The following DOCK5 variants were observed in gnomAD, a reference collection of about 807,000 sequenced individuals.
The protein encoded by DOCK5 is dedicator of cytokinesis 5.
In DOCK5, 142 loss-of-function variants were observed where a neutral mutation model predicts 251.8. That is an observed-to-expected ratio of 0.56 (90% CI 0.49 to 0.65). The LOEUF (loss-of-function observed/expected upper bound fraction) is 0.65. DOCK5 is among the 30% of genes least tolerant of loss of function. DOCK5 has a pLI of 0.00. For synonymous variants in DOCK5, 842 were observed against 835.5 expected (o/e 1.01, Z -0.13); for missense variants, 2,111 against 2,312.3 (o/e 0.91, Z 1.79).
intron 5 of DOCK5, among the ~76,000 whole-genome samples, chr8:25,279,939 G>GT (rs1804145552): frequency 6.6e-6 from 1 of 151,830 alleles, no homozygotes; most frequent in African/African-American, 2.4e-5. Flanking sequence ...TTGTGTGTGT[G>GT]TTTTTAGTAG....
intron 34 of DOCK5, 98 bp downstream of exon 34, chr8:25,369,739 C>T (rs2659578): frequency 0.99 from 1,044,304 of 1,050,694 alleles, 519,213 homozygotes; most frequent in East Asian, 1. Context: ...TGAGTAGTCT[C>T]AGAGTCACTA....
chr8:25,344,635 A>C (rs1184557727), intron 25 of DOCK5, among the ~76,000 whole-genome samples: 1 of 152,236 alleles, frequency 6.6e-6, no homozygotes, highest in Admixed American at 6.5e-5. Context: ...ATGAATTTGC[A>C]CTTTGAAATT....
chr8:25,225,987 A>C (rs1802520617), intron 1 of DOCK5, among the ~76,000 whole-genome samples: 1 of 152,168 alleles, frequency 6.6e-6, no homozygotes, highest in South Asian at 2.1e-4. Flanking sequence ...GTGTGAATAT[A>C]CTTAACACTA....
Position 25,403,589 on chromosome 8 carries a change from G to C in DOCK5, c.4958G>C (p.Arg1653Pro), listed in dbSNP as rs375194434. 26 of 1,613,698 alleles carry C rather than the reference G, an allele frequency of 1.6e-5. No individual in the cohort carries two copies. The highest frequency in any genetic ancestry group is 1.9e-5 in the Non-Finnish European group (22 of 1,179,828). ...PPNLTERKQS[R>P]TGSIVLPYIM... The stretch of plus-strand genomic sequence containing the variant: ...AACTTGACGGAGAGGAAGCAAAGCC[G>C]CACGGGGTCTATTGTGCTCCCCTAC... Residue 1653 changes from arginine to proline, a missense_variant, in exon 48 of 52, where the codon CGC becomes CCC. Around this residue, in one of 3 missense-constraint regions of DOCK5, gnomAD observed 1,717 missense variants for 1,892.4 expected, o/e 0.91. Transcript: ENST00000276440.
intron 1 of DOCK5, among the ~76,000 whole-genome samples, chr8:25,195,504 G>A (rs1185565811): frequency 1.3e-5 from 2 of 152,074 alleles, no homozygotes; most frequent in African/African-American, 4.8e-5. Context: ...GGCCCTGTGG[G>A]ATCAGACCTG....
chr8:25,234,729 A>G (rs543775662), intron 1 of DOCK5, among the ~76,000 whole-genome samples: 16 of 152,356 alleles, frequency 1.1e-4, no homozygotes, highest in South Asian at 6.2e-4. Flanking sequence ...GCAGCAAGAA[A>G]TGGTGAATGT....
intron 1 of DOCK5, among the ~76,000 whole-genome samples, chr8:25,205,938 A>G (rs888577663): frequency 2.6e-5 from 4 of 152,248 alleles, no homozygotes; most frequent in African/African-American, 4.8e-5. Flanking sequence ...TGGGAAGTTT[A>G]TAATGAATTA....
chr8:25,363,018 TC>T, intron 28 of DOCK5, 28 bp from the exon 29 acceptor site: 9 of 1,578,066 alleles, frequency 5.7e-6, no homozygotes, highest in Non-Finnish European at 7.8e-6. Flanking sequence ...AACCCAGTTT[TC>T]CCCCAACCAC....
At chr8:25,249,290 C>T (rs914135727) in intron 2 of DOCK5, among the ~76,000 whole-genome samples, 11 of 152,146 alleles carry the variant, frequency 7.2e-5, no homozygotes, top group Non-Finnish European at 1.0e-4. Flanking sequence ...TGTGAGCCAT[C>T]GTGCCTGGCC....
chr8:25,302,225 G>T, intron 9 of DOCK5, 100 bp from the exon 10 acceptor site: 16 of 1,387,726 alleles, frequency 1.2e-5, no homozygotes, highest in East Asian at 5.2e-5. Flanking sequence ...TGAGAAATAA[G>T]GTCGGAACAG....
At chr8:25,387,000 G>A (rs1188562371) in intron 40 of DOCK5, among the ~76,000 whole-genome samples, 1 of 152,120 alleles carries the variant, frequency 6.6e-6, no homozygotes, top group Non-Finnish European at 1.5e-5. Flanking sequence ...TACCTCAAAG[G>A]CATACTGTAG....
At chr8:25,188,823 T>G (rs1170584228) in intron 1 of DOCK5, among the ~76,000 whole-genome samples, 1 of 152,178 alleles carries the variant, frequency 6.6e-6, no homozygotes, top group African/African-American at 2.4e-5. Context: ...TCTTTTTTCT[T>G]TCTTTGTTTC....
intron 2 of DOCK5, among the ~76,000 whole-genome samples, chr8:25,246,528 C>T (rs1432248362): frequency 6.6e-6 from 1 of 152,202 alleles, no homozygotes; most frequent in Non-Finnish European, 1.5e-5. Flanking sequence ...ATCCGCCCAC[C>T]TTGGCCTCCC....
intron 8 of DOCK5, among the ~76,000 whole-genome samples, chr8:25,299,822 A>AATT (rs1253069279): frequency 2.6e-5 from 4 of 152,220 alleles, no homozygotes; most frequent in Non-Finnish European, 5.9e-5. Flanking sequence ...TTTTGAGAAG[A>AATT]TAGTTAAAAG....
intron 2 of DOCK5, among the ~76,000 whole-genome samples, chr8:25,256,447 T>C (rs1262784483): frequency 1.3e-5 from 2 of 152,038 alleles, no homozygotes; most frequent in African/African-American, 4.8e-5. Context: ...AAGACCAGCC[T>C]GGCCAACATG....
At chr8:25,390,120 G>T (rs1263497232) in intron 41 of DOCK5, 86 bp from the exon 42 acceptor site, 4 of 1,177,922 alleles carry the variant, frequency 3.4e-6, no homozygotes, top group Non-Finnish European at 4.8e-6. Flanking sequence ...TGGCATTTCC[G>T]GCTGTGAAGC....
Position 25,266,221 on chromosome 8 carries a change from C to CT in DOCK5, c.128-2612dup, listed in dbSNP as rs879885183. 6.6e-3 allele frequency among the ~76,000 whole-genome samples: 955 copies of CT among 145,520 alleles called. 17 individuals are homozygous for CT. The highest frequency in any genetic ancestry group is 0.017 in the African/African-American group (665 of 39,714). On this transcript the variant is annotated intron_variant, in intron 2 of 51. Transcript: ENST00000276440. ...TCACTTCCTCTTTGCATTATGCCTT[C>CT]TTTTTTTTTTTTGAGATGGAGTCTC... is the stretch of plus-strand genomic sequence containing the variant.
rs1586392627 is a variant in DOCK5, at chr8:25,395,546, G to A, written c.4531G>A (p.Glu1511Lys). 1 of 1,608,996 alleles carries A rather than the reference G, an allele frequency of 6.2e-7. No individual in the cohort carries two copies. The highest frequency in any genetic ancestry group is 2.2e-5 in the East Asian group (1 of 44,832). ...WFEVKQISTE[E>K]ISPLENAIET... ...TCCCATGTGCTCTGTCACTCAGGAA[G>A]AGATCAGTCCTCTGGAGAATGCCAT... is the stretch of plus-strand genomic sequence containing the variant. The change falls in exon 45 of 52, where the codon GAG (glutamate) becomes AAG (lysine). Residue 1511 changes from glutamate (E) to lysine (K), a missense_variant. Glu to Lys is a moderately conservative substitution (Grantham distance 56, BLOSUM62 1). Coordinates refer to ENST00000276440, the MANE Select transcript of DOCK5 (RefSeq NM_024940.8).
intron 3 of DOCK5, chr8:25,270,830 A>T (rs1803888882): frequency 2.8e-6 from 2 of 712,060 alleles, no homozygotes; most frequent in South Asian, 3.0e-5. Context: ...AAATCCATGG[A>T]TGCTCAAGTC....
Sources: gnomAD v4.1 joint callset for allele counts (sites outside exome capture counted in the v4.1 genomes callset) on GRCh38, gnomAD v4.1.1 for gene constraint, gnomAD v4.1.1 regional missense constraint, MANE v1.5 for transcripts, NCBI Gene and HGNC (gene_info 2026-07-23, HGNC 2026-07-21) for gene names.